The following AGBL4 variants were observed in gnomAD, a reference collection of about 807,000 sequenced individuals.
AGBL4 encodes the protein AGBL carboxypeptidase 4, also known as cytosolic carboxypeptidase 6.
A neutral mutation model predicts 66.4 loss-of-function variants in AGBL4; 58 were observed. The observed-to-expected ratio is 0.87, with a 90% CI of 0.71 to 1.09. AGBL4 has a LOEUF of 1.09. Ranked by LOEUF, AGBL4 falls within the 50% of genes least tolerant of loss-of-function variation. The pLI is 0.00. For synonymous variants in AGBL4, 234 were observed against 222.9 expected (o/e 1.05, Z -0.44); for missense variants, 579 against 631.0 (o/e 0.92, Z 0.88).
chr1:48,665,925 TC>T (rs1466133902), intron 6 of AGBL4, among the ~76,000 whole-genome samples: 1 of 152,228 alleles, frequency 6.6e-6, no homozygotes, highest in Non-Finnish European at 1.5e-5. Context: ...TCAATTGCAT[TC>T]AGCATTTCTG....
chr1:49,204,194 A>C (rs969168233), intron 4 of AGBL4, among the ~76,000 whole-genome samples: 1 of 152,118 alleles, frequency 6.6e-6, no homozygotes, highest in Non-Finnish European at 1.5e-5. Flanking sequence ...TAAAGAACCA[A>C]ATCTTGGCAG....
In AGBL4 at chr1:48,695,197, C is replaced by G. The variant is rs146020527; in HGVS notation, c.635-31956G>C. Reference sequence around the variant, plus strand: ...TGCTGGAAGGTGTCTGCTTCAATTCCCCTGCATTTGCAGAGACACACAGAG... The same window carrying G: ...TGCTGGAAGGTGTCTGCTTCAATTCGCCTGCATTTGCAGAGACACACAGAG... On this transcript the variant is annotated intron_variant, in intron 6 of 13. Transcript: ENST00000371839. 1.7e-3 allele frequency among the ~76,000 whole-genome samples: 265 copies of G among 152,286 alleles called. 1 individual carries two copies. Among genetic ancestry groups the G allele is most frequent in the African/African-American group, 6.1e-3 (255 of 41,546 alleles).
At chr1:48,671,350 G>A (rs375943) in intron 6 of AGBL4, among the ~76,000 whole-genome samples, 83,318 of 152,182 alleles carry the variant, frequency 0.55, 23,172 homozygotes, top group Middle Eastern at 0.66. Context: ...TCTCTGAGAA[G>A]TCAGACACTG....
At chr1:49,403,816 T>C (rs193015169) in intron 3 of AGBL4, among the ~76,000 whole-genome samples, 1 of 152,320 alleles carries the variant, frequency 6.6e-6, no homozygotes, top group East Asian at 1.9e-4. Context: ...TTCCTCCTAC[T>C]TTCAATTTCT....
chr1:48,883,877 G>A (rs977176742), intron 5 of AGBL4, among the ~76,000 whole-genome samples: 1 of 152,116 alleles, frequency 6.6e-6, no homozygotes, highest in African/African-American at 2.4e-5. Context: ...GCATTCCTTG[G>A]ATGACTGCTG....
At chr1:49,984,243 C>A (rs1659317176) in intron 1 of AGBL4, among the ~76,000 whole-genome samples, 1 of 152,152 alleles carries the variant, frequency 6.6e-6, no homozygotes, top group South Asian at 2.1e-4. Flanking sequence ...AACTGACTAA[C>A]CATAACTACA....
intron 4 of AGBL4, among the ~76,000 whole-genome samples, chr1:49,078,436 CTG>C (rs1644749904): frequency 2.0e-5 from 3 of 152,178 alleles, no homozygotes; most frequent in African/African-American, 2.4e-5. Flanking sequence ...GAATTCTTGA[CTG>C]TCTTTCTTCA....
intron 3 of AGBL4, among the ~76,000 whole-genome samples, chr1:49,484,836 C>T (rs879586586): frequency 3.3e-5 from 5 of 151,796 alleles, no homozygotes; most frequent in Non-Finnish European, 7.4e-5. Context: ...CATTGCAGGC[C>T]AGTATCAAAA....
intron 6 of AGBL4, among the ~76,000 whole-genome samples, chr1:48,676,978 C>T (rs552111928): frequency 1.3e-5 from 2 of 152,136 alleles, no homozygotes; most frequent in Admixed American, 6.5e-5. Context: ...GGCCCAGGCT[C>T]TCTGCTCCCT....
chr1:49,655,715 G>A (rs1646112592), intron 3 of AGBL4, among the ~76,000 whole-genome samples: 1 of 152,306 alleles, frequency 6.6e-6, no homozygotes, highest in African/African-American at 2.4e-5. Context: ...GAGCAGAACT[G>A]AAGGAGATAG....
At chr1:49,062,424 G>A (rs1353135243) in intron 4 of AGBL4, among the ~76,000 whole-genome samples, 1 of 152,042 alleles carries the variant, frequency 6.6e-6, no homozygotes, top group Admixed American at 6.6e-5. Context: ...CATTAGAGTA[G>A]GTCCATGTTT....
At chr1:48,645,429 A>G (rs952464766) in intron 8 of AGBL4, among the ~76,000 whole-genome samples, 2 of 152,186 alleles carry the variant, frequency 1.3e-5, no homozygotes, top group Non-Finnish European at 1.5e-5. Flanking sequence ...CTAAGGGAAG[A>G]TGGGGGAGTT....
intron 3 of AGBL4, among the ~76,000 whole-genome samples, chr1:49,647,940 G>A (rs1645923055): frequency 6.6e-6 from 1 of 151,208 alleles, no homozygotes; most frequent in African/African-American, 2.4e-5. Flanking sequence ...CATTACTAAA[G>A]GCCTATTTAT....
At chr1:49,860,866 C>T (rs1485027738) in intron 1 of AGBL4, among the ~76,000 whole-genome samples, 1 of 151,942 alleles carries the variant, frequency 6.6e-6, no homozygotes, top group Non-Finnish European at 1.5e-5. Context: ...ACTGACAGTA[C>T]CTGGTTTTAA....
intron 3 of AGBL4, among the ~76,000 whole-genome samples, chr1:49,659,956 C>T (rs10749685): frequency 0.81 from 123,654 of 152,120 alleles, 50,874 homozygotes; most frequent in African/African-American, 0.93. Flanking sequence ...TAACTCAAGA[C>T]GGATAAAAGA....
chr1:48,752,670 T>G (rs1230887417), intron 6 of AGBL4, among the ~76,000 whole-genome samples: 1 of 152,224 alleles, frequency 6.6e-6, no homozygotes, highest in Non-Finnish European at 1.5e-5. Flanking sequence ...CATCTTCAAA[T>G]GATTCTATAT....
In AGBL4 at chr1:48,996,817, C is replaced by CCCTTGCTT. The variant is rs1553137070; in HGVS notation, c.594+48766_594+48767insAAGCAAGG. ...GGGCCAAGGAATTTCCTTCCTTCCT[C>CCCTTGCTT]CCTTCCTTCCTTCCTTCCTTCCTTC... On this transcript the variant is annotated intron_variant, in intron 5 of 13. Transcript: ENST00000371839. Among the ~76,000 whole-genome samples the CCCTTGCTT allele has an allele frequency of 5.2e-4, 77 of 147,866 alleles. No individual in the cohort carries two copies. In the South Asian group the frequency reaches 0.011, roughly 20 times the overall value.
chr1:49,314,453 C>T (rs1371775814), intron 3 of AGBL4, among the ~76,000 whole-genome samples: 2 of 152,006 alleles, frequency 1.3e-5, no homozygotes, highest in Non-Finnish European at 2.9e-5. Context: ...TATTGTTAAA[C>T]TCCCACTCAT....
intron 6 of AGBL4, among the ~76,000 whole-genome samples, chr1:48,833,659 A>G (rs1646610108): frequency 6.6e-6 from 1 of 152,200 alleles, no homozygotes; most frequent in African/African-American, 2.4e-5. Flanking sequence ...CATGAACTTA[A>G]TCAGCCATCT....
Sources: allele counts gnomAD v4.1 joint callset (sites outside exome capture counted in the v4.1 genomes callset), GRCh38; gene constraint gnomAD v4.1.1; transcripts MANE v1.5; gene names NCBI Gene and HGNC (gene_info 2026-07-23, HGNC 2026-07-21).